OPCML: variants seen among roughly 807,000 people sequenced by gnomAD.
OPCML encodes opioid binding protein/cell adhesion molecule like.
A neutral mutation model predicts 37.8 loss-of-function variants in OPCML; 13 were observed. That is an observed-to-expected ratio of 0.34 (90% CI 0.22 to 0.55). OPCML has a LOEUF of 0.55. Ranked by LOEUF, OPCML falls within the 20% of genes least tolerant of loss-of-function variation. OPCML has a pLI of 0.91. For synonymous variants in OPCML, 176 were observed against 168.8 expected (o/e 1.04, Z -0.33); for missense variants, 341 against 435.6 (o/e 0.78, Z 1.93).
chr11:133,522,590 C>G (rs535834006), intron 1 of OPCML, among the ~76,000 whole-genome samples: 1 of 152,146 alleles, frequency 6.6e-6, no homozygotes, highest in Non-Finnish European at 1.5e-5. Flanking sequence ...CAAGGGAACA[C>G]AGTAATGGTC....
intron 2 of OPCML, among the ~76,000 whole-genome samples, chr11:132,862,289 T>C (rs1450844248): frequency 6.6e-6 from 1 of 152,194 alleles, no homozygotes; most frequent in East Asian, 1.9e-4. Flanking sequence ...ACATCTGCAC[T>C]GCAGATGGGA....
At chr11:132,615,256 G>A (rs1251801666) in intron 3 of OPCML, among the ~76,000 whole-genome samples, 1 of 152,186 alleles carries the variant, frequency 6.6e-6, no homozygotes, top group East Asian at 1.9e-4. Flanking sequence ...AATTATTACA[G>A]TATAGGGGAA....
intron 1 of OPCML, among the ~76,000 whole-genome samples, chr11:132,959,219 C>T (rs1314514778): frequency 6.6e-6 from 1 of 152,202 alleles, no homozygotes; most frequent in Non-Finnish European, 1.5e-5. Context: ...GAGGAAGTAA[C>T]TGCAGATGTG....
At chr11:132,565,857 A>T (rs1851160900) in intron 3 of OPCML, among the ~76,000 whole-genome samples, 5 of 152,114 alleles carry the variant, frequency 3.3e-5, no homozygotes, top group Non-Finnish European at 7.4e-5. Context: ...ACATGGTGAA[A>T]CCCTGTCTCT....
rs553478664 is a variant in OPCML, at chr11:133,060,158, T to TCCTCTC, written c.62-117154_62-117149dup. On this transcript the variant is annotated intron_variant, in intron 1 of 7. Coordinates refer to ENST00000524381, the MANE Select transcript of OPCML (RefSeq NM_001012393.5). ...TTTAGGTCACTTCCAAATCTTATTC[T>TCCTCTC]CCTCTCCCTCTCCCTCTCCCTCTCC... is the stretch of plus-strand genomic sequence containing the variant. 1.7e-3 allele frequency among the ~76,000 whole-genome samples: 255 copies of TCCTCTC among 151,294 alleles called. 2 individuals are homozygous for TCCTCTC. Among genetic ancestry groups the TCCTCTC allele is most frequent in the Middle Eastern group, 6.8e-3 (2 of 294 alleles).
At chr11:132,748,599 C>G (rs1428660810) in intron 2 of OPCML, among the ~76,000 whole-genome samples, 2 of 152,068 alleles carry the variant, frequency 1.3e-5, no homozygotes, top group African/African-American at 4.8e-5. Flanking sequence ...GGAAGGTGAG[C>G]GCTGGCTGGA....
intron 7 of OPCML, among the ~76,000 whole-genome samples, chr11:132,426,643 G>C (rs1390031607): frequency 6.6e-6 from 1 of 152,154 alleles, no homozygotes; most frequent in Non-Finnish European, 1.5e-5. Flanking sequence ...TGTTGCCAAG[G>C]CTGGTCTTGA....
At chr11:132,762,475 T>C (rs1946298146) in intron 2 of OPCML, among the ~76,000 whole-genome samples, 1 of 152,222 alleles carries the variant, frequency 6.6e-6, no homozygotes, top group Non-Finnish European at 1.5e-5. Context: ...AGACCCTGAC[T>C]GGGGCTGCTG....
intron 1 of OPCML, among the ~76,000 whole-genome samples, chr11:133,502,491 G>A (rs918290638): frequency 6.6e-6 from 1 of 152,224 alleles, no homozygotes; most frequent in Non-Finnish European, 1.5e-5. Context: ...GTCATGACCA[G>A]AGCTGGAGTG....
chr11:133,078,815 G>A (rs140569900), intron 1 of OPCML, among the ~76,000 whole-genome samples: 2 of 152,098 alleles, frequency 1.3e-5, no homozygotes, highest in Non-Finnish European at 2.9e-5. Flanking sequence ...AACTTAAGAC[G>A]TAAACCCAGA....
intron 1 of OPCML, among the ~76,000 whole-genome samples, chr11:133,046,676 C>T (rs1192317203): frequency 1.3e-5 from 2 of 152,154 alleles, no homozygotes; most frequent in Admixed American, 6.5e-5. Context: ...ATTAGGGGTG[C>T]CCATACTGTG....
Position 132,708,853 on chromosome 11 carries a change from T to C in OPCML, c.147-51534A>G, listed in dbSNP as rs1452820748. Among the ~76,000 whole-genome samples the C allele has an allele frequency of 3.9e-5, 6 of 152,200 alleles. No individual in the cohort carries two copies. In the East Asian group the frequency reaches 1.2e-3, roughly 29 times the overall value. On this transcript the variant is annotated intron_variant, in intron 2 of 7. Coordinates refer to ENST00000524381, the MANE Select transcript of OPCML (RefSeq NM_001012393.5). ...ACCAGTGTCACCAGATATTAAACGA[T>C]AATGAAAAAGGCTTAGCACTTTAAC...
chr11:132,841,223 T>C (rs183118166), intron 2 of OPCML, among the ~76,000 whole-genome samples: 109 of 152,308 alleles, frequency 7.2e-4, no homozygotes, highest in African/African-American at 2.5e-3. Context: ...CAACCCGAAG[T>C]GCCGCACTCT....
At chr11:132,979,667 T>C (rs1476553079) in intron 1 of OPCML, among the ~76,000 whole-genome samples, 1 of 152,254 alleles carries the variant, frequency 6.6e-6, no homozygotes, top group African/African-American at 2.4e-5. Context: ...TTGTTATTTC[T>C]ACTAGAACAA....
At chr11:132,667,134 AG>A (rs1054001477) in intron 2 of OPCML, among the ~76,000 whole-genome samples, 1 of 152,222 alleles carries the variant, frequency 6.6e-6, no homozygotes, top group Non-Finnish European at 1.5e-5. Context: ...AGTGGGGAAA[AG>A]ACACAGAGGT....
chr11:132,955,070 C>T (rs1186854426), intron 1 of OPCML, among the ~76,000 whole-genome samples: 1 of 152,096 alleles, frequency 6.6e-6, no homozygotes, highest in Non-Finnish European at 1.5e-5. Context: ...CAGTGGTGAG[C>T]TGAGGAATGA....
At chr11:132,830,348 G>T (rs1940612166) in intron 2 of OPCML, among the ~76,000 whole-genome samples, 1 of 152,158 alleles carries the variant, frequency 6.6e-6, no homozygotes, top group Non-Finnish European at 1.5e-5. Context: ...ATAAAGCGGT[G>T]TTGGACTCTA....
At position 133,333,674 on chromosome 11, in the gene OPCML, G is replaced by A. The variant is rs58412136; in HGVS notation, c.61+198590C>T. On this transcript the variant is annotated intron_variant, in intron 1 of 7. Coordinates refer to ENST00000524381, the MANE Select transcript of OPCML (RefSeq NM_001012393.5). Reference sequence around the variant, plus strand: ...TTAAACTTAAGAGCTGCTGTGCAGCGAAAGAAACTATCAACAGAGTAAACA... The same window carrying A: ...TTAAACTTAAGAGCTGCTGTGCAGCAAAAGAAACTATCAACAGAGTAAACA... Among the ~76,000 whole-genome samples, 561 of 152,244 alleles carry A rather than the reference G, an allele frequency of 3.7e-3. 3 individuals are homozygous for A. The highest frequency in any genetic ancestry group is 0.013 in the African/African-American group (521 of 41,554).
intron 1 of OPCML, among the ~76,000 whole-genome samples, chr11:133,197,773 A>G (rs939472671): frequency 1.3e-5 from 2 of 152,214 alleles, no homozygotes; most frequent in African/African-American, 2.4e-5. Flanking sequence ...CTTGTGTGTG[A>G]TCAACTTTAC....
Sources: allele counts gnomAD v4.1 joint callset (sites outside exome capture counted in the v4.1 genomes callset), GRCh38; gene constraint gnomAD v4.1.1; transcripts MANE v1.5; gene names NCBI Gene and HGNC (gene_info 2026-07-23, HGNC 2026-07-21).